WASHC4: variants seen among roughly 807,000 people sequenced by gnomAD.
WASHC4 encodes WASH complex subunit 7.
Under a neutral mutation model 166.6 loss-of-function variants are expected in WASHC4, and 86 were observed. The observed-to-expected ratio is 0.52, with a 90% CI of 0.43 to 0.62. The LOEUF (loss-of-function observed/expected upper bound fraction) is 0.62. WASHC4 is among the 20% of genes least tolerant of loss of function. The pLI, the probability that WASHC4 is intolerant of heterozygous loss-of-function variation, is 0.00. For missense variants in WASHC4, 1,262 were observed against 1,382.4 expected (o/e 0.91, Z 1.38); for synonymous variants, 446 against 451.6 (o/e 0.99, Z 0.16).
chr12:105,132,094 A>G (rs368985889), intron 13 of WASHC4, among the ~76,000 whole-genome samples: 11 of 152,370 alleles, frequency 7.2e-5, no homozygotes, highest in African/African-American at 2.6e-4. Flanking sequence ...CTGTGTAACT[A>G]AAGAAGATTT....
chr12:105,108,772 G>A (rs1273142923), intron 1 of WASHC4, among the ~76,000 whole-genome samples: 10 of 151,994 alleles, frequency 6.6e-5, no homozygotes, highest in Non-Finnish European at 1.5e-4. Flanking sequence ...CCCAAAAGGT[G>A]GAACGTTGCT....
Position 105,120,603 on chromosome 12 carries a change from A to G in WASHC4, c.561+6A>G. 1.3e-6 allele frequency: 2 copies of G among 1,587,710 alleles called. No individual in the cohort carries two copies. The highest frequency in any genetic ancestry group is 1.7e-6 in the Non-Finnish European group (2 of 1,156,152). Reference sequence around the variant, plus strand: ...CAACTGGAGTTCATTTTCAGGTAAAAGACATTTAGCTTGACCTGTAAAACT... The same window carrying G: ...CAACTGGAGTTCATTTTCAGGTAAAGGACATTTAGCTTGACCTGTAAAACT... On this transcript the variant is annotated splice_donor_region_variant and intron_variant, in intron 8 of 32. Coordinates refer to ENST00000332180, the MANE Select transcript of WASHC4 (RefSeq NM_015275.3).
intron 7 of WASHC4, among the ~76,000 whole-genome samples, chr12:105,119,437 CAA>C (rs1040414948): frequency 8.5e-5 from 13 of 152,144 alleles, no homozygotes; most frequent in African/African-American, 1.2e-4. Flanking sequence ...GAAGAGATAA[CAA>C]GAGCAATTTT....
chr12:105,142,366 T>A, intron 18 of WASHC4, 87 bp from the exon 19 acceptor site: 2 of 793,228 alleles, frequency 2.5e-6, no homozygotes, highest in South Asian at 2.8e-5. Context: ...AAGATGGAAC[T>A]CTTCCTTCTG....
rs1383176642 is a variant in WASHC4, at chr12:105,164,222, A to G, written c.3269A>G (p.Gln1090Arg). ...AAGGAGATAAGAGCAGTTGCTAAGC[A>G]ACAGAATGTACAGTCAGCCAGTCAA... ...YLKEIRAVAK[Q>R]QNVQSASQDE... Residue 1090 changes from glutamine to arginine, a missense_variant, in exon 31 of 33, where the codon CAA (glutamine) becomes CGA (arginine). Physicochemically the swap from Gln to Arg is conservative, Grantham distance 43. Coordinates refer to ENST00000332180, the MANE Select transcript of WASHC4 (RefSeq NM_015275.3). 6.2e-7 allele frequency: 1 copy of G among 1,614,156 alleles called. No individual in the cohort carries two copies. The highest frequency in any genetic ancestry group is 1.1e-5 in the South Asian group (1 of 91,090).
chr12:105,148,948 G>C, intron 24 of WASHC4: 1 of 985,036 alleles, frequency 1.0e-6, no homozygotes, highest in Non-Finnish European at 1.2e-6. Flanking sequence ...TGAGTCAAGG[G>C]CTTTTTGTTA....
chr12:105,132,040 C>G (rs184933399), intron 13 of WASHC4, among the ~76,000 whole-genome samples: 28 of 152,288 alleles, frequency 1.8e-4, no homozygotes, highest in Admixed American at 1.6e-3. Flanking sequence ...GAAGAGCTAT[C>G]CTTTAGCTGA....
At position 105,121,209 on chromosome 12, in the gene WASHC4, A is replaced by C; in HGVS notation, c.665+5A>C. 6.9e-7 allele frequency: 1 copy of C among 1,452,420 alleles called. No individual in the cohort carries two copies. The highest frequency in any genetic ancestry group is 1.7e-5 in the Admixed American group (1 of 59,826). The allele number at this position is 1,452,420 out of a possible 1,614,324, so 90.0% of individuals were successfully genotyped here. ...CCACTGGACTATGTACAAAAGGTAC[A>C]CCAATTAAAATATTTTAAAATGTTT... On this transcript the variant is annotated splice_donor_5th_base_variant and intron_variant, in intron 9 of 32. Coordinates refer to ENST00000332180, the MANE Select transcript of WASHC4 (RefSeq NM_015275.3).
intron 18 of WASHC4, 141 bp from the exon 19 acceptor site, chr12:105,142,312 C>CTATACTATGTTGGGTTAAGTGATG: frequency 3.1e-6 from 2 of 643,764 alleles, no homozygotes; most frequent in South Asian, 3.4e-5. Context: ...TGTGACTTTT[C>CTATACTATGTTGGGTTAAGTGATG]TATACTATGT....
chr12:105,138,576 T>C (rs536734294), intron 15 of WASHC4, among the ~76,000 whole-genome samples: 96 of 152,276 alleles, frequency 6.3e-4, no homozygotes, highest in South Asian at 2.9e-3. Flanking sequence ...ACTTCTGTAT[T>C]AAAGAAAAAA....
chr12:105,169,027 A>G lies in WASHC4; in HGVS notation c.*2096A>G, dbSNP rs902016126. 1 of 152,596 alleles carries G rather than the reference A, an allele frequency of 6.6e-6. No individual in the cohort carries two copies. Among genetic ancestry groups the G allele is most frequent in the African/African-American group, 2.4e-5 (1 of 41,452 alleles). 9.5% of individuals were successfully genotyped at this position (152,596 alleles called of 1,614,324 possible). ...GTCAGTTCTAATGAAATTTTGTAAA[A>G]GATGGCAAGTTTGTTACCTCACTTG... is the stretch of plus-strand genomic sequence containing the variant. On this transcript the variant is annotated 3_prime_UTR_variant, in exon 33 of 33. Coordinates refer to ENST00000332180, the MANE Select transcript of WASHC4 (RefSeq NM_015275.3).
In WASHC4 at chr12:105,143,162, T is replaced by G. The variant is rs780749728; in HGVS notation, c.1929T>G (p.Ala643=). 6.2e-7 allele frequency: 1 copy of G among 1,611,544 alleles called. No homozygotes were observed. The highest frequency in any genetic ancestry group is 1.3e-5 in the African/African-American group (1 of 74,872). ...MFSALRDCVP[A]MMHARHLESY... ...GTGCTTTGCGCGACTGTGTACCTGC[T>G]ATGATGCATGCAAGGCATTTAGAGT... The change falls in exon 20 of 33, where the codon GCT becomes GCG. Residue 643 remains alanine, a synonymous_variant. Coordinates refer to ENST00000332180, the MANE Select transcript of WASHC4 (RefSeq NM_015275.3).
Position 105,164,234 on chromosome 12 carries a change from A to T in WASHC4, c.3281A>T (p.Gln1094Leu), listed in dbSNP as rs1325447824. ...IRAVAKQQNV[Q>L]SASQDEKLLQ... The stretch of plus-strand genomic sequence containing the variant: ...GCAGTTGCTAAGCAACAGAATGTAC[A>T]GTCAGCCAGTCAAGATGAAAAACTC... The change falls in exon 31 of 33, where the codon CAG becomes CTG. Residue 1094 changes from glutamine (Q) to leucine (L), a missense_variant. Transcript: ENST00000332180. 6.2e-7 allele frequency: 1 copy of T among 1,614,016 alleles called. No individual in the cohort carries two copies. The highest frequency in any genetic ancestry group is 8.5e-7 in the Non-Finnish European group (1 of 1,179,992).
At chr12:105,108,137 T>G (rs1468302363) in intron 1 of WASHC4, among the ~76,000 whole-genome samples, 4 of 152,228 alleles carry the variant, frequency 2.6e-5, no homozygotes, top group African/African-American at 9.6e-5. Flanking sequence ...GGCGTCCCCC[T>G]TCAGCTGCCC....
chr12:105,110,941 T>G (rs1192066651), intron 1 of WASHC4, among the ~76,000 whole-genome samples, 184 bp from the exon 2 acceptor site: 4 of 152,332 alleles, frequency 2.6e-5, no homozygotes, highest in Admixed American at 2.6e-4. Flanking sequence ...TTAAAATTAT[T>G]TCGTGTATAG....
intron 22 of WASHC4, 81 bp downstream of exon 22, chr12:105,144,953 G>T (rs1186258084): frequency 5.5e-5 from 75 of 1,361,154 alleles, no homozygotes; most frequent in Non-Finnish European, 7.6e-5. Context: ...TTTTCTTTTT[G>T]CTTTAGTTAG....
At position 105,107,751 on chromosome 12, in the gene WASHC4, C is replaced by A. The variant is rs1408396834; in HGVS notation, c.-50C>A. On this transcript the variant is annotated 5_prime_UTR_variant, in exon 1 of 33. Transcript: ENST00000332180. ...GTGACAGTAGCTGGGGTGAGGCCGT[C>A]GTCGCCGCACGGGCTGGTTGGGGCT... 2.1e-6 allele frequency: 3 copies of A among 1,399,984 alleles called. No individual in the cohort carries two copies. Among genetic ancestry groups the A allele is most frequent in the Admixed American group, 4.0e-5 (2 of 50,124 alleles). 86.7% of individuals were successfully genotyped at this position (1,399,984 alleles called of 1,614,324 possible).
chr12:105,141,114 C>A, intron 17 of WASHC4, 53 bp from the exon 18 acceptor site: 1 of 1,608,114 alleles, frequency 6.2e-7, no homozygotes, highest in Non-Finnish European at 8.5e-7. Flanking sequence ...TTGTTACTGA[C>A]CCTAGAAACC....
At chr12:105,148,240 T>C (rs1883471510) in intron 24 of WASHC4, 32 of 985,314 alleles carry the variant, frequency 3.2e-5, no homozygotes, top group Non-Finnish European at 3.9e-5. Flanking sequence ...AACATACAAT[T>C]TTAAATTCCA....
Sources: gnomAD v4.1 joint callset for allele counts (sites outside exome capture counted in the v4.1 genomes callset) on GRCh38, gnomAD v4.1.1 for gene constraint, MANE v1.5 for transcripts, NCBI Gene and HGNC (gene_info 2026-07-23, HGNC 2026-07-21) for gene names.